RASAL1: variants seen among roughly 807,000 people sequenced by gnomAD.
RASAL1 encodes rasGAP-activating-like protein 1.
In RASAL1, 72 loss-of-function variants were observed where a neutral mutation model predicts 96.6. The ratio of observed to expected loss-of-function variants is 0.75; its 90% CI spans 0.62 to 0.91. The LOEUF (loss-of-function observed/expected upper bound fraction) is 0.91, where lower values mean the gene tolerates loss of function less well. Ranked by LOEUF, RASAL1 falls within the 40% of genes least tolerant of loss-of-function variation. RASAL1 has a pLI of 0.00. For synonymous variants in RASAL1, 405 were observed against 430.4 expected (o/e 0.94, Z 0.73); for missense variants, 1,016 against 1,072.5 (o/e 0.95, Z 0.74).
intron 13 of RASAL1, among the ~76,000 whole-genome samples, chr12:113,110,796 A>AT (rs1950839853): frequency 6.6e-6 from 1 of 152,168 alleles, no homozygotes; most frequent in Non-Finnish European, 1.5e-5. Context: ...GCACCCCTCT[A>AT]GTCCCAGCAA....
intron 18 of RASAL1, chr12:113,102,912 A>G (rs12425097): frequency 0.11 from 18,233 of 163,256 alleles, 1,190 homozygotes; most frequent in Middle Eastern, 0.17. Context: ...GCCTTTGCTC[A>G]TGACACCTGC....
chr12:113,101,242 C>T (rs1441250823), intron 19 of RASAL1, among the ~76,000 whole-genome samples: 1 of 152,114 alleles, frequency 6.6e-6, no homozygotes, highest in African/African-American at 2.4e-5. Context: ...ATGGTGAAAC[C>T]CCGTCTCTAC....
At chr12:113,121,728 T>A in intron 4 of RASAL1, 90 bp from the exon 5 acceptor site, 2 of 1,088,546 alleles carry the variant, frequency 1.8e-6, no homozygotes, top group Non-Finnish European at 2.4e-6. Flanking sequence ...TTATTTTCAT[T>A]TTTTTTTTTT....
At chr12:113,132,608 T>C (rs1951765270) in intron 1 of RASAL1, among the ~76,000 whole-genome samples, 1 of 152,168 alleles carries the variant, frequency 6.6e-6, no homozygotes, top group Admixed American at 6.5e-5. Flanking sequence ...CTCTCCAGTT[T>C]GTATAGATCC....
chr12:113,107,142 C>G lies in RASAL1; in HGVS notation c.1612G>C (p.Val538Leu), dbSNP rs976749254. The G allele has an allele frequency of 6.2e-7, 1 of 1,613,888 alleles. No individual in the cohort carries two copies. Among genetic ancestry groups the G allele is most frequent in the South Asian group, 1.1e-5 (1 of 91,006 alleles). The change falls in exon 15 of 21, where the codon GTG (valine) becomes CTG (leucine). Residue 538 changes from valine (V) to leucine (L), a missense_variant. Coordinates refer to ENST00000548055, the MANE Select transcript of RASAL1 (RefSeq NM_001301202.2). ...ACCAGCCGGTCCAGGAAGTCTCTCA[C>G]ACGTGAGACACACTGCAGCAGGAAG... is the stretch of plus-strand genomic sequence containing the variant. Reference protein sequence around the residue: ...HPFLLQCVSRVRDFLDRLVDV... With the variant: ...HPFLLQCVSRLRDFLDRLVDV...
chr12:113,115,192 C>A lies in RASAL1; in HGVS notation c.1068+8G>T, dbSNP rs1197219485. 3 of 1,611,668 alleles carry A rather than the reference C, an allele frequency of 1.9e-6. No individual in the cohort carries two copies. Among genetic ancestry groups the A allele is most frequent in the Non-Finnish European group, 2.5e-6 (3 of 1,177,802 alleles). On this transcript the variant is annotated splice_region_variant and intron_variant, in intron 11 of 20. Transcript: ENST00000548055. The surrounding 1 kb of genome is among the most constrained non-coding windows in gnomAD (Gnocchi z 4.1). ...TGCGCCTGGTCCCGCAGGCCTTCAC[C>A]TACTCACCTTCATAAACTGTTCCAT... is the stretch of plus-strand genomic sequence containing the variant.
At chr12:113,122,650 A>T (rs1378821417) in intron 4 of RASAL1, among the ~76,000 whole-genome samples, 18 of 151,744 alleles carry the variant, frequency 1.2e-4, no homozygotes, top group Non-Finnish European at 2.9e-5. Flanking sequence ...AATTCTAAGG[A>T]CTATGTCTCT....
At chr12:113,119,104 G>T (rs946010079) in intron 7 of RASAL1, 24 bp downstream of exon 7, 1 of 1,568,970 alleles carries the variant, frequency 6.4e-7, no homozygotes, top group Non-Finnish European at 8.7e-7. Context: ...AGCCATGGAG[G>T]GTATTGTAGG....
chr12:113,127,923 C>T lies in RASAL1; in HGVS notation c.237-50G>A, dbSNP rs562848954. ...GTCTGAGTCAGGGGCCCCTTTGCCC[C>T]GCCCCAAGAGAAGTGGGGGCAGGTG... On this transcript the variant is annotated intron_variant, in intron 3 of 20. Coordinates refer to ENST00000548055, the MANE Select transcript of RASAL1 (RefSeq NM_001301202.2). 3.2e-4 allele frequency: 508 copies of T among 1,598,382 alleles called. 3 individuals carry two copies. The South Asian group carries it at 4.3e-3, about 14-fold the overall frequency.
Position 113,115,471 on chromosome 12 carries a change from AC to A in RASAL1, c.1003+163del, listed in dbSNP as rs1951040787. Among the ~76,000 whole-genome samples, 1 of 152,186 alleles carries A rather than the reference AC, an allele frequency of 6.6e-6. No homozygotes were observed. The highest frequency in any genetic ancestry group is 1.5e-5 in the Non-Finnish European group (1 of 68,024). On this transcript the variant is annotated intron_variant, in intron 10 of 20. Transcript: ENST00000548055. This position sits in a 1 kb window ranked among gnomAD's most constrained non-coding sequence, Gnocchi z 4.1. ...CACAAGTAGCAAAGCCAGGGCCTGA[AC>A]CTGCAATTGGGCTCCCAACTGTCTG...
chr12:113,128,946 C>T (rs2136249655), intron 2 of RASAL1, among the ~76,000 whole-genome samples: 1 of 151,746 alleles, frequency 6.6e-6, no homozygotes, highest in East Asian at 2.0e-4. Context: ...GAGACACACA[C>T]ACAGTCATAC....
intron 18 of RASAL1, chr12:113,103,242 T>TGTAA (rs1200205519): frequency 2.0e-5 from 3 of 150,296 alleles, no homozygotes; most frequent in South Asian, 2.1e-4. Context: ...ATGTTATTAT[T>TGTAA]TACAATGTTA....
rs1227597367 is a variant in RASAL1, at chr12:113,129,931, A to ACACC, written c.122+953_122+954insGGTG. Among the ~76,000 whole-genome samples, 2 of 152,118 alleles carry ACACC rather than the reference A, an allele frequency of 1.3e-5. No individual in the cohort carries two copies. The highest frequency in any genetic ancestry group is 4.8e-5 in the African/African-American group (2 of 41,422). ...GCAGCCTGGGGTCACACAGAAAATC[A>ACACC]ATCTGTGGGTTTGGGGTGGTGTCAG... On this transcript the variant is annotated intron_variant, in intron 2 of 20. Transcript: ENST00000548055. The surrounding 1 kb of genome is among the most constrained non-coding windows in gnomAD (Gnocchi z 5.0).
At chr12:113,123,868 C>G (rs1951387302) in intron 4 of RASAL1, among the ~76,000 whole-genome samples, 1 of 152,110 alleles carries the variant, frequency 6.6e-6, no homozygotes, top group South Asian at 2.1e-4. Flanking sequence ...CACACGTGAG[C>G]TATTCCACCC....
intron 5 of RASAL1, among the ~76,000 whole-genome samples, 162 bp from the exon 6 acceptor site, chr12:113,119,605 C>A (rs1176111168): frequency 6.6e-6 from 1 of 152,192 alleles, no homozygotes; most frequent in Non-Finnish European, 1.5e-5. Flanking sequence ...CCGTCCAAAC[C>A]CAGTATCTTC....
chr12:113,115,541 C>T lies in RASAL1; in HGVS notation c.1003+94G>A. On this transcript the variant is annotated intron_variant, in intron 10 of 20. Transcript: ENST00000548055. The surrounding 1 kb of genome is among the most constrained non-coding windows in gnomAD (Gnocchi z 4.1). ...ACCCACAGAAAAAGGAGCCCTTTTTCCCTCTGCCTGAGGCCTCCCCATTCC... is the reference window on the plus strand; with the variant it reads ...ACCCACAGAAAAAGGAGCCCTTTTTTCCTCTGCCTGAGGCCTCCCCATTCC... 6.7e-7 allele frequency: 1 copy of T among 1,482,536 alleles called. No individual in the cohort carries two copies. Among genetic ancestry groups the T allele is most frequent in the Non-Finnish European group, 9.1e-7 (1 of 1,104,054 alleles). The allele number at this position is 1,482,536 out of a possible 1,614,324, so 91.8% of individuals were successfully genotyped here.
intron 18 of RASAL1, among the ~76,000 whole-genome samples, chr12:113,102,545 G>A: frequency 6.6e-6 from 1 of 152,068 alleles, no homozygotes; most frequent in East Asian, 1.9e-4. Context: ...GCAAAAGGGT[G>A]AGACTCCATC....
chr12:113,114,958 G>A (rs761924141), intron 11 of RASAL1, 46 bp from the exon 12 acceptor site: 16 of 1,463,122 alleles, frequency 1.1e-5, no homozygotes, highest in African/African-American at 5.6e-5. Flanking sequence ...GGGCGAGGCC[G>A]GGGCATGCCC....
rs551815298 is a variant in RASAL1 at position 113,114,398 on chromosome 12, C to T, written c.1181+402G>A. ...CTGAGGTGGAAAAATTACCTGAGCCCGGGAAGTTGACGCTGCAGTGAGCTG... is the reference window on the plus strand; with the variant it reads ...CTGAGGTGGAAAAATTACCTGAGCCTGGGAAGTTGACGCTGCAGTGAGCTG... On this transcript the variant is annotated intron_variant, in intron 12 of 20. Transcript: ENST00000548055. 5.3e-5 allele frequency among the ~76,000 whole-genome samples: 8 copies of T among 151,016 alleles called. No homozygotes were observed. The East Asian group carries it at 5.9e-4, about 11-fold the overall frequency.
Sources: gnomAD v4.1 joint callset for allele counts (sites outside exome capture counted in the v4.1 genomes callset) on GRCh38, gnomAD v4.1.1 for gene constraint, Gnocchi (gnomAD v3.1) non-coding constraint, MANE v1.5 for transcripts, NCBI Gene and HGNC (gene_info 2026-07-23, HGNC 2026-07-21) for gene names.